ROBO1: variants seen among roughly 807,000 people sequenced by gnomAD.
ROBO1 encodes roundabout guidance receptor 1, also known as roundabout homolog 1.
ROBO1 carries 149 observed loss-of-function variants against 195.9 expected under a neutral mutation model. The observed-to-expected ratio is 0.76, with a 90% confidence interval of 0.67 to 0.87. ROBO1 has a LOEUF of 0.87. Among genes scored for constraint, ROBO1 ranks in the 40% least tolerant of loss-of-function variants. ROBO1 has a pLI of 0.00. For missense variants in ROBO1, 1,933 were observed against 2,068.3 expected (o/e 0.93, Z 1.27); for synonymous variants, 816 against 733.2 (o/e 1.11, Z -1.82).
At chr3:79,307,987 C>T (rs1218614746) in intron 2 of ROBO1, among the ~76,000 whole-genome samples, 3 of 152,110 alleles carry the variant, frequency 2.0e-5, no homozygotes, top group African/African-American at 7.2e-5. Context: ...CATTGAGTGT[C>T]CTGCTTATAG....
intron 1 of ROBO1, among the ~76,000 whole-genome samples, chr3:79,754,699 G>A (rs1005283547): frequency 6.6e-6 from 1 of 152,132 alleles, no homozygotes; most frequent in African/African-American, 2.4e-5. Context: ...AGGCTTTTTA[G>A]TTTTCCAACC....
chr3:79,371,956 T>C (rs967527916), intron 2 of ROBO1, among the ~76,000 whole-genome samples: 1 of 152,098 alleles, frequency 6.6e-6, no homozygotes, highest in African/African-American at 2.4e-5. Flanking sequence ...CCACCTCAGA[T>C]CATCAGGCAT....
intron 1 of ROBO1, among the ~76,000 whole-genome samples, chr3:79,595,903 C>T (rs377303519): frequency 6.6e-6 from 1 of 151,914 alleles, no homozygotes; most frequent in Non-Finnish European, 1.5e-5. Flanking sequence ...GAGTAAATTG[C>T]TATGCCTAAA....
intron 3 of ROBO1, among the ~76,000 whole-genome samples, chr3:79,095,923 A>G (rs751333566): frequency 6.6e-5 from 10 of 152,054 alleles, no homozygotes; most frequent in African/African-American, 9.7e-5. Flanking sequence ...AACTGGAAAT[A>G]TACTTTGTGA....
chr3:79,748,024 G>A (rs1703948984), intron 1 of ROBO1, among the ~76,000 whole-genome samples: 1 of 151,704 alleles, frequency 6.6e-6, no homozygotes, highest in Non-Finnish European at 1.5e-5. Context: ...TCATAAAAAT[G>A]CATGGTTGTT....
chr3:79,715,469 AT>A (rs1016688281), intron 1 of ROBO1, among the ~76,000 whole-genome samples: 3 of 152,130 alleles, frequency 2.0e-5, no homozygotes, highest in African/African-American at 7.2e-5. Flanking sequence ...AAGGGTCAGC[AT>A]TTTTTAGCAA....
intron 2 of ROBO1, among the ~76,000 whole-genome samples, chr3:79,552,230 T>TA (rs900599573): frequency 7.2e-5 from 11 of 152,014 alleles, no homozygotes; most frequent in African/African-American, 2.4e-4. Context: ...CAACAACACA[T>TA]ACTATATCTC....
At chr3:79,115,787 T>G (rs908944107) in intron 3 of ROBO1, among the ~76,000 whole-genome samples, 35 of 152,222 alleles carry the variant, frequency 2.3e-4, no homozygotes, top group African/African-American at 8.0e-4. Context: ...TGTATTTTCT[T>G]TCCTTCTTAC....
intron 1 of ROBO1, among the ~76,000 whole-genome samples, chr3:79,592,897 C>A (rs970460882): frequency 6.6e-6 from 1 of 152,014 alleles, no homozygotes; most frequent in African/African-American, 2.4e-5. Context: ...ATCTATTCAT[C>A]CCTCCCCCTT....
intron 5 of ROBO1, among the ~76,000 whole-genome samples, chr3:78,733,097 A>G (rs2082318753): frequency 6.6e-6 from 1 of 152,198 alleles, no homozygotes; most frequent in Admixed American, 6.6e-5. Context: ...AAAGAATTGC[A>G]GAATCAGCAT....
In ROBO1 at chr3:79,014,025, T is replaced by C. The variant is rs148128086; in HGVS notation, c.173-75098A>G. ...GTCAATATTCTAAAGTCTTATCATA[T>C]GTAGCTTAAAAAAAAACTGTTCAAT... On this transcript the variant is annotated intron_variant, in intron 3 of 30. Coordinates refer to ENST00000464233, the MANE Select transcript of ROBO1 (RefSeq NM_002941.4). Among the ~76,000 whole-genome samples, 282 of 152,332 alleles carry C rather than the reference T, an allele frequency of 1.9e-3. 1 individual carries two copies. The highest frequency in any genetic ancestry group is 6.5e-3 in the African/African-American group (271 of 41,566).
At chr3:79,246,090 A>G (rs2082619710) in intron 2 of ROBO1, among the ~76,000 whole-genome samples, 1 of 152,076 alleles carries the variant, frequency 6.6e-6, no homozygotes, top group Non-Finnish European at 1.5e-5. Context: ...TGATTATTAA[A>G]GTTGCTGACA....
chr3:79,528,546 C>T (rs1237944088), intron 2 of ROBO1, among the ~76,000 whole-genome samples: 1 of 152,146 alleles, frequency 6.6e-6, no homozygotes, highest in African/African-American at 2.4e-5. Flanking sequence ...TTCAATCTCA[C>T]CACTGAGAAT....
chr3:78,858,430 TAG>T (rs2034583535), intron 4 of ROBO1, among the ~76,000 whole-genome samples: 1 of 151,788 alleles, frequency 6.6e-6, no homozygotes, highest in Non-Finnish European at 1.5e-5. Context: ...TGCAGATCCT[TAG>T]AAAGTGGAAA....
At chr3:78,703,547 G>A (rs1369645377) in intron 8 of ROBO1, among the ~76,000 whole-genome samples, 2 of 151,950 alleles carry the variant, frequency 1.3e-5, no homozygotes, top group East Asian at 3.9e-4. Flanking sequence ...CTAGTCCTCA[G>A]TTGAAAATTT....
intron 2 of ROBO1, among the ~76,000 whole-genome samples, chr3:79,541,045 A>G (rs9869846): frequency 0.57 from 86,867 of 151,884 alleles, 24,980 homozygotes; most frequent in Non-Finnish European, 0.6. Context: ...TTTTAACCTC[A>G]ATATCCTGGA....
intron 3 of ROBO1, among the ~76,000 whole-genome samples, chr3:79,006,131 C>A (rs568869950): frequency 1.3e-5 from 2 of 152,166 alleles, no homozygotes; most frequent in Non-Finnish European, 2.9e-5. Context: ...ATCAGGGACT[C>A]TTAGCTCATC....
chr3:79,761,261 T>C (rs892003371), intron 1 of ROBO1, among the ~76,000 whole-genome samples: 4 of 150,702 alleles, frequency 2.7e-5, no homozygotes, highest in Non-Finnish European at 5.9e-5. Flanking sequence ...CATAAAAAAA[T>C]ATTTCCAAGA....
At chr3:79,654,606 T>C (rs554848720) in intron 1 of ROBO1, among the ~76,000 whole-genome samples, 22 of 152,166 alleles carry the variant, frequency 1.4e-4, no homozygotes, top group African/African-American at 5.3e-4. Flanking sequence ...TCTATTCATC[T>C]TTCTTTTAAA....
Sources: gnomAD v4.1 joint callset for allele counts (sites outside exome capture counted in the v4.1 genomes callset) on GRCh38, gnomAD v4.1.1 for gene constraint, MANE v1.5 for transcripts, NCBI Gene and HGNC (gene_info 2026-07-23, HGNC 2026-07-21) for gene names.